The following DIS3L2 variants were observed in gnomAD, a reference collection of about 807,000 sequenced individuals.
DIS3L2 encodes DIS3-like exonuclease 2.
DIS3L2 carries 34 observed loss-of-function variants against 97.5 expected under a neutral mutation model. The observed-to-expected ratio is 0.35, with a 90% CI of 0.27 to 0.46. DIS3L2 has a LOEUF of 0.46. DIS3L2 is among the 20% of genes least tolerant of loss of function. DIS3L2 has a pLI of 1.00. For missense variants in DIS3L2, 1,038 were observed against 1,146.0 expected (o/e 0.91, Z 1.36); for synonymous variants, 435 against 445.2 (o/e 0.98, Z 0.29).
chr2:232,094,718 C>CAAAAAA (rs59253625), intron 6 of DIS3L2, among the ~76,000 whole-genome samples: 3 of 111,400 alleles, frequency 2.7e-5, no homozygotes, highest in Non-Finnish European at 3.5e-5. Flanking sequence ...GACTCCATCT[C>CAAAAAA]AAAAAAAAAA....
At chr2:232,319,077 C>T (rs1245768630) in intron 14 of DIS3L2, among the ~76,000 whole-genome samples, 1 of 152,200 alleles carries the variant, frequency 6.6e-6, no homozygotes, top group Non-Finnish European at 1.5e-5. Flanking sequence ...GTGGTCTGCT[C>T]CCACATGGCT....
intron 13 of DIS3L2, among the ~76,000 whole-genome samples, 182 bp downstream of exon 13, chr2:232,263,622 A>G (rs552719879): frequency 4.6e-5 from 7 of 152,296 alleles, no homozygotes; most frequent in African/African-American, 1.7e-4. Flanking sequence ...AATACAGGAT[A>G]TTATGCAAAA....
Position 232,335,463 on chromosome 2 carries a change from G to A in DIS3L2, c.2395-310G>A, listed in dbSNP as rs113123681. 52 of 346,104 alleles carry A rather than the reference G, an allele frequency of 1.5e-4. No homozygotes were observed. The East Asian group carries it at 2.4e-3, about 16-fold the overall frequency. The allele number at this position is 346,104 out of a possible 1,614,324, so 21.4% of individuals were successfully genotyped here. A position where few individuals can be genotyped will look rare whatever the true frequency, so the allele number is the denominator to read the frequency against. On this transcript the variant is annotated intron_variant, in intron 19 of 20. Coordinates refer to ENST00000325385, the MANE Select transcript of DIS3L2 (RefSeq NM_152383.5). ...CTGACAGATGGCACCAGCAGGGGGC[G>A]CAGCGCTCCGCCGCCACAGTTCTCT... is the stretch of plus-strand genomic sequence containing the variant.
At chr2:232,220,095 AACCCAGTCTCT>A (rs1692448968) in intron 10 of DIS3L2, among the ~76,000 whole-genome samples, 1 of 150,380 alleles carries the variant, frequency 6.6e-6, no homozygotes, top group Non-Finnish European at 1.5e-5. Flanking sequence ...AACGTAGCAA[AACCCAGTCTCT>A]ACAGAAAAAT....
At chr2:231,989,616 T>C (rs1036332415) in intron 1 of DIS3L2, among the ~76,000 whole-genome samples, 16 of 152,226 alleles carry the variant, frequency 1.1e-4, no homozygotes, top group Admixed American at 8.5e-4. Context: ...GCCGGATCGC[T>C]TGAGCCCAGG....
intron 5 of DIS3L2, among the ~76,000 whole-genome samples, chr2:232,034,643 A>T (rs942159278): frequency 6.6e-6 from 1 of 152,262 alleles, no homozygotes; most frequent in Middle Eastern, 3.4e-3. Context: ...CTTTAGCTGT[A>T]TCCCAGAGAT....
At chr2:232,067,466 A>T (rs759935667) in intron 5 of DIS3L2, among the ~76,000 whole-genome samples, 1 of 152,160 alleles carries the variant, frequency 6.6e-6, no homozygotes, top group Non-Finnish European at 1.5e-5. Context: ...ACTACTATTC[A>T]TTTCTAATTT....
intron 13 of DIS3L2, among the ~76,000 whole-genome samples, chr2:232,271,781 C>G (rs1219424617): frequency 6.6e-6 from 1 of 152,106 alleles, no homozygotes; most frequent in Admixed American, 6.5e-5. Flanking sequence ...CATCCCTGAG[C>G]TTTGGGGAGA....
rs549765738 is a variant in DIS3L2, at chr2:231,975,226, T to C, written c.-94+13461T>C. ...ATGTAGGAAACCTCTGACCAGGCCC[T>C]TCAGGGGACTCTGTGCAAAATAATG... On this transcript the variant is annotated intron_variant, in intron 1 of 20. Transcript: ENST00000325385. 2.0e-5 allele frequency among the ~76,000 whole-genome samples: 3 copies of C among 152,264 alleles called. No homozygotes were observed. In the East Asian group the frequency reaches 5.8e-4, roughly 29 times the overall value.
At chr2:232,296,052 A>C (rs370282503) in intron 13 of DIS3L2, among the ~76,000 whole-genome samples, 3 of 152,236 alleles carry the variant, frequency 2.0e-5, no homozygotes, top group South Asian at 2.1e-4. Flanking sequence ...TATGTTCAGC[A>C]GCCTACTGGC....
chr2:232,005,411 C>T (rs1022094502), intron 1 of DIS3L2, among the ~76,000 whole-genome samples: 2 of 152,096 alleles, frequency 1.3e-5, no homozygotes, highest in Non-Finnish European at 2.9e-5. Flanking sequence ...TTCTTCAGCT[C>T]TCTCCTCTTT....
At chr2:232,334,332 C>A in intron 17 of DIS3L2, 37 bp from the exon 18 acceptor site, 1 of 1,607,282 alleles carries the variant, frequency 6.2e-7, no homozygotes, top group Non-Finnish European at 8.5e-7. Context: ...CCCAGCCCCC[C>A]AGGCTCCCAC....
At chr2:231,964,257 T>A (rs17199740) in intron 1 of DIS3L2, among the ~76,000 whole-genome samples, 10,666 of 152,208 alleles carry the variant, frequency 0.07, 453 homozygotes, top group Middle Eastern at 0.17. Flanking sequence ...TAATTGTACA[T>A]CTTGAACTGA....
chr2:232,301,762 TCTTAGCTGTTCA>T (rs1694861032), intron 14 of DIS3L2, among the ~76,000 whole-genome samples: 1 of 152,062 alleles, frequency 6.6e-6, no homozygotes, highest in Admixed American at 6.5e-5. Flanking sequence ...TAAGTTTATG[TCTTAGCTGTTCA>T]CATATCTGGT....
chr2:232,129,478 T>TA (rs1395196892), intron 6 of DIS3L2, among the ~76,000 whole-genome samples: 9 of 152,216 alleles, frequency 5.9e-5, no homozygotes, highest in African/African-American at 2.2e-4. Flanking sequence ...CTTTCACTGA[T>TA]AGAGAGGGCA....
chr2:232,303,667 T>C (rs1334059926), intron 14 of DIS3L2, among the ~76,000 whole-genome samples: 1 of 150,994 alleles, frequency 6.6e-6, no homozygotes, highest in Non-Finnish European at 1.5e-5. Context: ...TCAAATGGAA[T>C]GGCCCGGAAA....
At chr2:232,136,773 G>T in intron 8 of DIS3L2, 54 bp downstream of exon 8, 1 of 1,585,406 alleles carries the variant, frequency 6.3e-7, no homozygotes, top group Non-Finnish European at 8.6e-7. Context: ...CTCAGTTTAG[G>T]TGGTCTTTAG....
intron 6 of DIS3L2, among the ~76,000 whole-genome samples, chr2:232,106,526 T>G (rs142664967): frequency 2.6e-5 from 4 of 152,266 alleles, no homozygotes; most frequent in Non-Finnish European, 4.4e-5. Flanking sequence ...TACATAATGG[T>G]AAAGGGTTCA....
intron 13 of DIS3L2, among the ~76,000 whole-genome samples, chr2:232,273,846 G>A (rs2106292916): frequency 6.6e-6 from 1 of 152,304 alleles, no homozygotes; most frequent in East Asian, 1.9e-4. Context: ...AGGTTCTCTA[G>A]GGTCAGCTAC....
Sources: allele counts gnomAD v4.1 joint callset (sites outside exome capture counted in the v4.1 genomes callset), GRCh38; gene constraint gnomAD v4.1.1; transcripts MANE v1.5; gene names NCBI Gene and HGNC (gene_info 2026-07-23, HGNC 2026-07-21).